LDLRAD3: variants seen among roughly 807,000 people sequenced by gnomAD.
LDLRAD3 encodes low density lipoprotein receptor class A domain containing 3, also known as low-density lipoprotein receptor class A domain-containing protein 3.
Under a neutral mutation model 29.4 loss-of-function variants are expected in LDLRAD3, and 20 were observed. The observed-to-expected ratio is 0.68, with a 90% CI of 0.48 to 0.99. LDLRAD3 has a LOEUF of 0.99. Ranked by LOEUF, LDLRAD3 falls within the 50% of genes least tolerant of loss-of-function variation. The probability of loss-of-function intolerance (pLI) is 0.00; values close to 1 mark genes in which losing one functional copy is unlikely to be tolerated. For synonymous variants in LDLRAD3, 157 were observed against 192.7 expected, an observed-to-expected ratio of 0.81 and a Z score of 1.53; for missense variants, 420 against 454.3, an observed-to-expected ratio of 0.92 and a Z score of 0.69.
chr11:36,103,809 G>A (rs1853486577), intron 4 of LDLRAD3, among the ~76,000 whole-genome samples: 1 of 152,122 alleles, frequency 6.6e-6, no homozygotes, highest in Non-Finnish European at 1.5e-5. Context: ...GTTTGTGACT[G>A]GCTTATTTCA....
chr11:36,140,346 CATT>C (rs1157434201), intron 4 of LDLRAD3, among the ~76,000 whole-genome samples: 3 of 152,216 alleles, frequency 2.0e-5, no homozygotes, highest in African/African-American at 7.2e-5. Flanking sequence ...TTCATATCCT[CATT>C]GTTGGTAATG....
At chr11:36,185,462 A>T (rs1854834080) in intron 4 of LDLRAD3, among the ~76,000 whole-genome samples, 2 of 152,236 alleles carry the variant, frequency 1.3e-5, no homozygotes, top group South Asian at 4.1e-4. Flanking sequence ...TGTCACGATC[A>T]CCATGTGCCT....
intron 2 of LDLRAD3, among the ~76,000 whole-genome samples, chr11:36,057,014 C>G (rs1852631549): frequency 6.6e-6 from 1 of 152,142 alleles, no homozygotes; most frequent in Non-Finnish European, 1.5e-5. Context: ...ATGCACTGGT[C>G]TGAGGTCTAC....
intron 1 of LDLRAD3, among the ~76,000 whole-genome samples, chr11:35,949,009 GTGCATCATTA>G (rs1851097249): frequency 8.8e-6 from 1 of 113,148 alleles, no homozygotes; most frequent in Non-Finnish European, 1.6e-5. Flanking sequence ...CATCATTACT[GTGCATCATTA>G]CTGTGCATCA....
intron 4 of LDLRAD3, among the ~76,000 whole-genome samples, chr11:36,160,582 C>T (rs577025819): frequency 3.2e-4 from 48 of 152,120 alleles, no homozygotes; most frequent in African/African-American, 9.4e-4. Context: ...ATTTTTGGCC[C>T]ATCGTTCAAC....
Position 35,944,104 on chromosome 11 carries a change from G to C in LDLRAD3, c.6G>C (p.Trp2Cys). The C allele has an allele frequency of 9.3e-7, 1 of 1,072,666 alleles. No individual in the cohort carries two copies. Among genetic ancestry groups the C allele is most frequent in the Non-Finnish European group, 1.1e-6 (1 of 887,090 alleles). 66.4% of individuals were successfully genotyped at this position (1,072,666 alleles called of 1,614,324 possible). A position where few individuals can be genotyped will look rare whatever the true frequency, so the allele number is the denominator to read the frequency against. M[W>C]LLGPLCLLLS... ...GCGGGAGCGGCGGCCGCGCCATGTG[G>C]CTGCTGGGGCCGCTGTGCCTGCTGC... The change falls in exon 1 of 6, where the codon TGG becomes TGC. Residue 2 changes from tryptophan (W) to cysteine (C), a missense_variant. Around this residue, in one of 3 missense-constraint regions of LDLRAD3, gnomAD observed 224 missense variants for 222.2 expected, o/e 1.01. Coordinates refer to ENST00000315571, the MANE Select transcript of LDLRAD3 (RefSeq NM_174902.4). The surrounding 1 kb of genome is among the most constrained non-coding windows in gnomAD (Gnocchi z 4.9).
chr11:36,226,337 G>T (rs1855498186), intron 4 of LDLRAD3, among the ~76,000 whole-genome samples: 1 of 152,102 alleles, frequency 6.6e-6, no homozygotes, highest in South Asian at 2.1e-4. Flanking sequence ...GGGCTGTGCT[G>T]GCTCTCCATC....
intron 2 of LDLRAD3, among the ~76,000 whole-genome samples, chr11:36,038,927 G>A (rs117721332): frequency 0.018 from 2,679 of 151,428 alleles, 35 homozygotes; most frequent in Non-Finnish European, 0.026. Flanking sequence ...AGGAGAAAAA[G>A]TCCCTTTTCT....
intron 4 of LDLRAD3, among the ~76,000 whole-genome samples, chr11:36,148,796 C>T (rs1056780575): frequency 6.6e-6 from 1 of 152,156 alleles, no homozygotes; most frequent in African/African-American, 2.4e-5. Flanking sequence ...CTTCTGCTAC[C>T]CACAGATGAC....
chr11:36,119,678 T>G (rs1336986462), intron 4 of LDLRAD3, among the ~76,000 whole-genome samples: 1 of 152,152 alleles, frequency 6.6e-6, no homozygotes, highest in East Asian at 1.9e-4. Context: ...CATTTGTAAG[T>G]TGAGGTCTTT....
intron 2 of LDLRAD3, among the ~76,000 whole-genome samples, chr11:36,046,045 T>C (rs569405782): frequency 2.6e-5 from 4 of 152,222 alleles, no homozygotes; most frequent in African/African-American, 7.2e-5. Context: ...CTCCCACTTA[T>C]GAGTGAGAAC....
At chr11:35,960,419 C>T (rs561275701) in intron 1 of LDLRAD3, among the ~76,000 whole-genome samples, 21 of 152,292 alleles carry the variant, frequency 1.4e-4, no homozygotes, top group African/African-American at 3.1e-4. Flanking sequence ...AGGATTTGCA[C>T]GTTTTCAACC....
intron 4 of LDLRAD3, among the ~76,000 whole-genome samples, chr11:36,200,238 G>A (rs896445185): frequency 3.3e-5 from 5 of 152,108 alleles, no homozygotes; most frequent in African/African-American, 1.2e-4. Flanking sequence ...AGTTTTGGAG[G>A]CTGAAAGTCC....
intron 4 of LDLRAD3, among the ~76,000 whole-genome samples, chr11:36,168,392 C>T (rs547608773): frequency 4.0e-5 from 6 of 151,474 alleles, no homozygotes; most frequent in East Asian, 1.9e-4. Context: ...AGACCAACAA[C>T]GTGAACTGTC....
At position 36,126,878 on chromosome 11, in the gene LDLRAD3, A is replaced by G. The variant is rs189591197; in HGVS notation, c.454+28417A>G. Reference sequence around the variant, plus strand: ...CTAAGTAATTAGAACATGCATAATCACCCAGAGTTAAACCCACTGCCGAGC... The same window carrying G: ...CTAAGTAATTAGAACATGCATAATCGCCCAGAGTTAAACCCACTGCCGAGC... On this transcript the variant is annotated intron_variant, in intron 4 of 5. Transcript: ENST00000315571. 1.8e-3 allele frequency among the ~76,000 whole-genome samples: 279 copies of G among 152,298 alleles called. 2 individuals carry two copies. Among genetic ancestry groups the G allele is most frequent in the Non-Finnish European group, 2.6e-3 (177 of 68,022 alleles).
At chr11:36,180,819 C>T (rs1024901998) in intron 4 of LDLRAD3, among the ~76,000 whole-genome samples, 16 of 152,108 alleles carry the variant, frequency 1.1e-4, no homozygotes, top group East Asian at 3.9e-4. Flanking sequence ...GTGGTAAGAA[C>T]GGTCAGTGCG....
chr11:35,966,276 T>C (rs115441989), intron 1 of LDLRAD3, among the ~76,000 whole-genome samples: 3,145 of 152,098 alleles, frequency 0.021, 75 homozygotes, highest in South Asian at 0.064. Context: ...AATATAAAAG[T>C]TAGCCAGACG....
chr11:36,055,381 T>C (rs996951097), intron 2 of LDLRAD3, among the ~76,000 whole-genome samples: 11 of 152,100 alleles, frequency 7.2e-5, no homozygotes, highest in African/African-American at 2.2e-4. Flanking sequence ...CTTGCATAGA[T>C]GCCTATTATC....
intron 2 of LDLRAD3, among the ~76,000 whole-genome samples, chr11:36,054,891 G>A (rs568167678): frequency 4.0e-4 from 60 of 149,478 alleles, no homozygotes; most frequent in Admixed American, 9.3e-4. Flanking sequence ...ATGCCTGGAT[G>A]GATGGATGAA....
Sources: allele counts gnomAD v4.1 joint callset (sites outside exome capture counted in the v4.1 genomes callset), GRCh38; gene constraint gnomAD v4.1.1; regional missense constraint gnomAD v4.1.1; non-coding constraint Gnocchi (gnomAD v3.1); transcripts MANE v1.5; gene names NCBI Gene and HGNC (gene_info 2026-07-23, HGNC 2026-07-21).